Variants in CLEC6A observed in about 807,000 individuals in gnomAD.
The protein encoded by CLEC6A is C-type lectin domain containing 6A, also known as C-type lectin domain family 6 member A.
A neutral mutation model predicts 25.7 loss-of-function variants in CLEC6A; 22 were observed. The observed-to-expected ratio is 0.85, with a 90% CI of 0.61 to 1.22. The LOEUF (loss-of-function observed/expected upper bound fraction) is 1.22. Among genes scored for constraint, CLEC6A ranks in the 50% most tolerant of loss-of-function variants. The pLI is 0.00. For missense variants in CLEC6A, 240 were observed against 236.8 expected (o/e 1.01, Z -0.09); for synonymous variants, 92 against 76.7 (o/e 1.20, Z -1.04).
chr12:8,470,003 A>G (rs4883157), intron 4 of CLEC6A, among the ~76,000 whole-genome samples: 117,605 of 152,126 alleles, frequency 0.77, 45,918 homozygotes, highest in East Asian at 0.99. Flanking sequence ...GACAACACAC[A>G]AAGTAGGAGA....
intron 2 of CLEC6A, 110 bp downstream of exon 2, chr12:8,458,097 T>G: frequency 3.0e-6 from 2 of 674,568 alleles, no homozygotes; most frequent in Non-Finnish European, 5.1e-6. Context: ...AGCTCTTACT[T>G]GGAATGCCAC....
chr12:8,462,187 C>CACTCCCTAATCTCAAGT (rs1269095492), intron 3 of CLEC6A, among the ~76,000 whole-genome samples: 21 of 151,134 alleles, frequency 1.4e-4, no homozygotes, highest in Non-Finnish European at 2.2e-4. Flanking sequence ...GAGTCATCAC[C>CACTCCCTAATCTCAAGT]ACTCCCTAAT....
At position 8,477,329 on chromosome 12, in the gene CLEC6A, C is replaced by A. The variant is rs777575034; in HGVS notation, c.495C>A (p.His165Gln). The A allele has an allele frequency of 6.2e-7, 1 of 1,607,720 alleles. No individual in the cohort carries two copies. Among genetic ancestry groups the A allele is most frequent in the South Asian group, 1.1e-5 (1 of 89,982 alleles). The change falls in exon 6 of 6, where the codon CAC becomes CAA. Residue 165 changes from histidine (H) to glutamine (Q), a missense_variant. Physicochemically the swap from His to Gln is conservative, Grantham distance 24. Transcript: ENST00000382073. ...TPYEKNVRFWHLGEPNHSAEQ... is the reference protein window; with the variant it reads ...TPYEKNVRFWQLGEPNHSAEQ... ...TTTTGTTTTCCTTTAGATTTTGGCACCTAGGTGAGCCCAATCATTCTGCAG... is the reference window on the plus strand; with the variant it reads ...TTTTGTTTTCCTTTAGATTTTGGCAACTAGGTGAGCCCAATCATTCTGCAG...
chr12:8,472,503 A>G (rs981026637), intron 4 of CLEC6A, among the ~76,000 whole-genome samples: 4 of 152,182 alleles, frequency 2.6e-5, no homozygotes, highest in Admixed American at 2.0e-4. Context: ...TTTTTTCTCT[A>G]TTGCATTGTG....
intron 4 of CLEC6A, among the ~76,000 whole-genome samples, chr12:8,472,254 C>A (rs1416484754): frequency 6.6e-6 from 1 of 152,052 alleles, no homozygotes; most frequent in Non-Finnish European, 1.5e-5. Flanking sequence ...AGCTTGTATT[C>A]TCTTGCTTTA....
chr12:8,459,135 T>C (rs916724458), intron 2 of CLEC6A, among the ~76,000 whole-genome samples: 13 of 152,160 alleles, frequency 8.5e-5, no homozygotes, highest in Admixed American at 4.6e-4. Context: ...TAAATATTTA[T>C]TGATGACTTT....
intron 1 of CLEC6A, among the ~76,000 whole-genome samples, chr12:8,457,027 T>C (rs1190641105): frequency 2.0e-5 from 3 of 152,006 alleles, no homozygotes; most frequent in Admixed American, 1.3e-4. Context: ...GGAGAATCAC[T>C]TGAACCCAGG....
chr12:8,458,980 T>TTTA (rs1939715264), intron 2 of CLEC6A, among the ~76,000 whole-genome samples: 3 of 152,166 alleles, frequency 2.0e-5, no homozygotes, highest in African/African-American at 7.2e-5. Flanking sequence ...TTATAAACGT[T>TTTA]TAAAGTTTCC....
chr12:8,456,754 A>G (rs1013375935), intron 1 of CLEC6A, among the ~76,000 whole-genome samples: 3 of 152,194 alleles, frequency 2.0e-5, no homozygotes, highest in African/African-American at 7.2e-5. Context: ...TCAAATATTT[A>G]TCATGTCTTT....
At position 8,477,626 on chromosome 12, in the gene CLEC6A, T is replaced by G; in HGVS notation, c.*162T>G. 1 of 499,030 alleles carries G rather than the reference T, an allele frequency of 2.0e-6. No individual in the cohort carries two copies. The highest frequency in any genetic ancestry group is 3.4e-6 in the Non-Finnish European group (1 of 291,934). 30.9% of individuals were successfully genotyped at this position (499,030 alleles called of 1,614,324 possible). On this transcript the variant is annotated 3_prime_UTR_variant, in exon 6 of 6. Coordinates refer to ENST00000382073, the MANE Select transcript of CLEC6A (RefSeq NM_001007033.2). ...AAATGGAAAGATACCTGTTTCCCTT[T>G]AATCAATCTTCTCGTTTCCTCTTTT...
At chr12:8,476,291 G>T in intron 5 of CLEC6A, 51 bp downstream of exon 5, 2 of 1,012,902 alleles carry the variant, frequency 2.0e-6, no homozygotes, top group South Asian at 1.4e-5. Flanking sequence ...GGGAAATTTT[G>T]TTAGGAGTTA....
intron 4 of CLEC6A, among the ~76,000 whole-genome samples, chr12:8,468,614 G>T (rs890077483): frequency 6.6e-6 from 1 of 152,146 alleles, no homozygotes; most frequent in Admixed American, 6.6e-5. Context: ...ATGATCCAGG[G>T]ATGCAAGGAT....
chr12:8,466,780 G>A (rs143607648), intron 4 of CLEC6A, among the ~76,000 whole-genome samples: 7 of 151,446 alleles, frequency 4.6e-5, no homozygotes, highest in East Asian at 2.0e-4. Flanking sequence ...TCAACCTCCC[G>A]AGTAGCTGGG....
chr12:8,461,265 A>T, intron 3 of CLEC6A: 1 of 620,934 alleles, frequency 1.6e-6, no homozygotes, highest in South Asian at 1.9e-5. Flanking sequence ...CATACCTAAT[A>T]AGCAATTTAG....
rs373705498 is a variant in CLEC6A, at chr12:8,460,500, ATGGG to A, written c.223+803_223+806del. ...GTCCCTCTCACAGCACGTGGGAATTATGGGAGTACAATTCAAGGTGAGATTTGGG... is the reference window on the plus strand; with the variant it reads ...GTCCCTCTCACAGCACGTGGGAATTAAGTACAATTCAAGGTGAGATTTGGG... On this transcript the variant is annotated intron_variant, in intron 3 of 5. Transcript: ENST00000382073. The A allele has an allele frequency of 9.4e-5, 58 of 615,832 alleles. No homozygotes were observed. The African/African-American group carries it at 1.0e-3, about 11-fold the overall frequency. The allele number at this position is 615,832 out of a possible 1,614,324, so 38.1% of individuals were successfully genotyped here.
chr12:8,462,265 T>C (rs1366536109), intron 3 of CLEC6A, among the ~76,000 whole-genome samples: 2 of 148,094 alleles, frequency 1.4e-5, no homozygotes, highest in Non-Finnish European at 3.0e-5. Flanking sequence ...AGCCAGGTAT[T>C]GTCCAAGGTT....
chr12:8,466,457 C>G (rs1284537725), intron 4 of CLEC6A, among the ~76,000 whole-genome samples: 1 of 152,130 alleles, frequency 6.6e-6, no homozygotes, highest in Non-Finnish European at 1.5e-5. Context: ...TTTGAGGAAC[C>G]TTCATACTGT....
chr12:8,464,117 T>C (rs1939798281), intron 3 of CLEC6A, among the ~76,000 whole-genome samples: 1 of 152,200 alleles, frequency 6.6e-6, no homozygotes, highest in Middle Eastern at 3.2e-3. Context: ...AATATAGGTA[T>C]GGTTAATCTA....
chr12:8,458,392 C>T (rs1939706012), intron 2 of CLEC6A, among the ~76,000 whole-genome samples: 1 of 152,134 alleles, frequency 6.6e-6, no homozygotes, highest in South Asian at 2.1e-4. Flanking sequence ...TGTGCAGATC[C>T]TTTCCAATGT....
Sources: gnomAD v4.1 joint callset for allele counts (sites outside exome capture counted in the v4.1 genomes callset) on GRCh38, gnomAD v4.1.1 for gene constraint, MANE v1.5 for transcripts, NCBI Gene and HGNC (gene_info 2026-07-23, HGNC 2026-07-21) for gene names.